STARD4: variants seen among roughly 807,000 people sequenced by gnomAD.
The protein encoded by STARD4 is StAR related lipid transfer domain containing 4.
In STARD4, 33 loss-of-function variants were observed where a neutral mutation model predicts 24.9. That is an observed-to-expected ratio of 1.32 (90% CI 1.00 to 1.77). The LOEUF (loss-of-function observed/expected upper bound fraction) is 1.77. STARD4 is among the 40% of genes most tolerant of loss of function. STARD4 has a pLI of 0.00. For missense variants in STARD4, 238 were observed against 249.3 expected (o/e 0.95, Z 0.31); for synonymous variants, 88 against 77.4 (o/e 1.14, Z -0.72).
At chr5:111,505,213 G>C (rs189843220) in intron 3 of STARD4, among the ~76,000 whole-genome samples, 2 of 152,274 alleles carry the variant, frequency 1.3e-5, no homozygotes, top group South Asian at 4.1e-4. Flanking sequence ...CAAGCATAAA[G>C]CTCCCTTGAC....
intron 3 of STARD4, among the ~76,000 whole-genome samples, chr5:111,504,269 C>T (rs957969054): frequency 5.9e-5 from 9 of 152,114 alleles, no homozygotes; most frequent in Non-Finnish European, 7.4e-5. Context: ...GCCTAAAAAT[C>T]TATCAATAGG....
At chr5:111,508,514 G>A (rs2112571044) in intron 1 of STARD4, among the ~76,000 whole-genome samples, 1 of 152,180 alleles carries the variant, frequency 6.6e-6, no homozygotes, top group Admixed American at 6.5e-5. Context: ...AGAGTTTTAG[G>A]GGTAAAGTTG....
In STARD4 at chr5:111,497,899, C is replaced by A. The variant is rs1756185741; in HGVS notation, c.*1987G>T. 1.3e-5 allele frequency: 2 copies of A among 151,882 alleles called. No homozygotes were observed. The highest frequency in any genetic ancestry group is 6.6e-5 in the Admixed American group (1 of 15,248). The allele number at this position is 151,882 out of a possible 1,614,324, so 9.4% of individuals were successfully genotyped here. On this transcript the variant is annotated 3_prime_UTR_variant, in exon 6 of 6. Transcript: ENST00000296632. ...TAACCTGCTGTAATTATCCTGGCAACAGTGATAAACTTTAGATTTGTGTTA... is the reference window on the plus strand; with the variant it reads ...TAACCTGCTGTAATTATCCTGGCAAAAGTGATAAACTTTAGATTTGTGTTA...
At chr5:111,510,960 C>T (rs1757220813) in intron 1 of STARD4, among the ~76,000 whole-genome samples, 2 of 152,294 alleles carry the variant, frequency 1.3e-5, no homozygotes, top group East Asian at 3.9e-4. Context: ...AACGGTCTAA[C>T]CTTGCATTAC....
Position 111,497,206 on chromosome 5 carries a change from A to T in STARD4, c.*2680T>A, listed in dbSNP as rs994165173. On this transcript the variant is annotated 3_prime_UTR_variant, in exon 6 of 6. Transcript: ENST00000296632. ...ATATTCTTTCATTTCACCAACTGCC[A>T]TATCAAAAGTTACTTATCTTTGAAG... The T allele has an allele frequency of 6.6e-6, 1 of 152,064 alleles. No homozygotes were observed. Among genetic ancestry groups the T allele is most frequent in the Non-Finnish European group, 1.5e-5 (1 of 67,920 alleles). The allele number at this position is 152,064 out of a possible 1,614,324, so 9.4% of individuals were successfully genotyped here.
intron 3 of STARD4, among the ~76,000 whole-genome samples, chr5:111,505,789 G>A (rs1208858776): frequency 6.6e-6 from 1 of 152,092 alleles, no homozygotes; most frequent in East Asian, 1.9e-4. Context: ...AAGAAATTCA[G>A]ATTTTAGCAG....
At chr5:111,509,768 G>A (rs1757113955) in intron 1 of STARD4, among the ~76,000 whole-genome samples, 1 of 152,060 alleles carries the variant, frequency 6.6e-6, no homozygotes, top group African/African-American at 2.4e-5. Flanking sequence ...TCTCACTTAT[G>A]GAAGACCTCA....
intron 3 of STARD4, among the ~76,000 whole-genome samples, chr5:111,503,851 G>T (rs951180481): frequency 6.6e-6 from 1 of 152,050 alleles, no homozygotes; most frequent in Non-Finnish European, 1.5e-5. Flanking sequence ...GGAGAAGGTA[G>T]TATAACACAT....
chr5:111,509,902 T>G (rs981858421), intron 1 of STARD4, among the ~76,000 whole-genome samples: 1 of 152,128 alleles, frequency 6.6e-6, no homozygotes, highest in Non-Finnish European at 1.5e-5. Context: ...AAGCATCTAT[T>G]ATATACCAGG....
rs1438215883 is a variant in STARD4 at position 111,502,064 on chromosome 5, A to G, written c.180T>C (p.Asp60=). 1 of 1,614,082 alleles carries G rather than the reference A, an allele frequency of 6.2e-7. No individual in the cohort carries two copies. The highest frequency in any genetic ancestry group is 1.1e-5 in the South Asian group (1 of 91,076). Residue 60 remains aspartate (D), a synonymous_variant, in exon 4 of 6, where the codon GAT becomes GAC. Transcript: ENST00000296632. ...GGTCTATTATACTATAGACAAGGTC[A>G]TCTATAACACCTTGGGCTTTGTAGC... ...GYLYKAQGVI[D]DLVYSIIDHI...
chr5:111,502,715 C>T (rs1048068414), intron 3 of STARD4, among the ~76,000 whole-genome samples: 2 of 151,848 alleles, frequency 1.3e-5, no homozygotes, highest in African/African-American at 4.8e-5. Context: ...ATCGCTTGAA[C>T]CTGGGAGGCG....
In STARD4 at chr5:111,496,684, G is replaced by GAGAT. The variant is rs1430089540; in HGVS notation, c.*3198_*3201dup. 8.5e-5 allele frequency: 13 copies of GAGAT among 152,080 alleles called. No individual in the cohort carries two copies. Among genetic ancestry groups the GAGAT allele is most frequent in the Admixed American group, 8.5e-4 (13 of 15,252 alleles). The allele number at this position is 152,080 out of a possible 1,614,324, so 9.4% of individuals were successfully genotyped here. On this transcript the variant is annotated 3_prime_UTR_variant, in exon 6 of 6. Transcript: ENST00000296632. ...CCTCAATTACATAGTTTTTTAGCTT[G>GAGAT]AGATATTAATTGAATTCAGCATGAT... is the stretch of plus-strand genomic sequence containing the variant.
chr5:111,501,140 G>A (rs2112543429), intron 4 of STARD4, 24 bp from the exon 5 acceptor site: 1 of 1,572,134 alleles, frequency 6.4e-7, no homozygotes, highest in Non-Finnish European at 8.6e-7. Context: ...GATAAGACAA[G>A]TGTTACTACT....
chr5:111,499,857 G>C lies in STARD4; in HGVS notation c.*29C>G. ...ATGTAGCTGAGAGAGTTGATCTGTA[G>C]TACTACAAGTTTGAATGTATTTTGC... On this transcript the variant is annotated 3_prime_UTR_variant, in exon 6 of 6. Coordinates refer to ENST00000296632, the MANE Select transcript of STARD4 (RefSeq NM_139164.3). 2 of 1,582,586 alleles carry C rather than the reference G, an allele frequency of 1.3e-6. No homozygotes were observed. The highest frequency in any genetic ancestry group is 1.7e-6 in the Non-Finnish European group (2 of 1,151,606).
intron 1 of STARD4, among the ~76,000 whole-genome samples, chr5:111,511,771 T>C (rs920733324): frequency 6.6e-6 from 1 of 152,194 alleles, no homozygotes; most frequent in Non-Finnish European, 1.5e-5. Context: ...TTGTCAAGTT[T>C]TGTCCTGGCT....
In STARD4 at chr5:111,499,859, AC is replaced by A. The variant is rs1370996674; in HGVS notation, c.*26del. On this transcript the variant is annotated 3_prime_UTR_variant, in exon 6 of 6. Coordinates refer to ENST00000296632, the MANE Select transcript of STARD4 (RefSeq NM_139164.3). ...GTAGCTGAGAGAGTTGATCTGTAGT[AC>A]TACAAGTTTGAATGTATTTTGCCTC... is the stretch of plus-strand genomic sequence containing the variant. 1.3e-6 allele frequency: 2 copies of A among 1,589,502 alleles called. No homozygotes were observed. Among genetic ancestry groups the A allele is most frequent in the Non-Finnish European group, 1.7e-6 (2 of 1,157,750 alleles).
At chr5:111,508,276 C>T (rs1757009210) in intron 1 of STARD4, among the ~76,000 whole-genome samples, 1 of 152,102 alleles carries the variant, frequency 6.6e-6, no homozygotes, top group Non-Finnish European at 1.5e-5. Context: ...TCATTCCTAA[C>T]TAATAGCATA....
intron 1 of STARD4, among the ~76,000 whole-genome samples, chr5:111,511,346 G>T (rs770942969): frequency 1.3e-5 from 2 of 151,570 alleles, no homozygotes; most frequent in Non-Finnish European, 2.9e-5. Context: ...AACATTTATT[G>T]ATCACTTACT....
At position 111,496,590 on chromosome 5, in the gene STARD4, G is replaced by C. The variant is rs1291573920; in HGVS notation, c.*3296C>G. The C allele has an allele frequency of 6.6e-6, 1 of 152,124 alleles. No homozygotes were observed. The highest frequency in any genetic ancestry group is 1.5e-5 in the Non-Finnish European group (1 of 67,976). 9.4% of individuals were successfully genotyped at this position (152,124 alleles called of 1,614,324 possible). ...TATTTGTATGAAAGGCAATTACTCAGCCCTAAAAGCTCAACAGACAATTAA... is the reference window on the plus strand; with the variant it reads ...TATTTGTATGAAAGGCAATTACTCACCCCTAAAAGCTCAACAGACAATTAA... On this transcript the variant is annotated 3_prime_UTR_variant, in exon 6 of 6. Transcript: ENST00000296632.
Sources: gnomAD v4.1 joint callset for allele counts (sites outside exome capture counted in the v4.1 genomes callset) on GRCh38, gnomAD v4.1.1 for gene constraint, MANE v1.5 for transcripts, NCBI Gene and HGNC (gene_info 2026-07-23, HGNC 2026-07-21) for gene names.